The following KIAA1217 variants were observed in gnomAD, a reference collection of about 807,000 sequenced individuals.
KIAA1217 encodes the protein sickle tail protein homolog.
Under a neutral mutation model 163.9 loss-of-function variants are expected in KIAA1217, and 88 were observed. The ratio of observed to expected loss-of-function variants is 0.54; its 90% CI spans 0.45 to 0.64. The LOEUF (loss-of-function observed/expected upper bound fraction) is 0.64. Ranked by LOEUF, KIAA1217 falls within the 30% of genes least tolerant of loss-of-function variation. The pLI is 0.00. For missense variants in KIAA1217, 2,372 were observed against 2,475.0 expected, an observed-to-expected ratio of 0.96 and a Z score of 0.88; for synonymous variants, 903 against 923.1, an observed-to-expected ratio of 0.98 and a Z score of 0.39.
chr10:24,196,491 G>T (rs545020239), intron 2 of KIAA1217, among the ~76,000 whole-genome samples: 1 of 152,288 alleles, frequency 6.6e-6, no homozygotes, highest in Admixed American at 6.5e-5. Flanking sequence ...CCTGATTCTT[G>T]CTGTACCAAG....
At chr10:24,015,526 C>T (rs970783220) in intron 2 of KIAA1217, among the ~76,000 whole-genome samples, 3 of 151,972 alleles carry the variant, frequency 2.0e-5, no homozygotes, top group African/African-American at 7.3e-5. Flanking sequence ...GAGGCCAAGG[C>T]AGGTGGATCA....
Position 24,189,119 on chromosome 10 carries a change from A to G in KIAA1217, c.-170-30507A>G, listed in dbSNP as rs559301271. Among the ~76,000 whole-genome samples the G allele has an allele frequency of 4.9e-3, 685 of 140,386 alleles. 7 individuals carry two copies. The highest frequency in any genetic ancestry group is 8.1e-3 in the Non-Finnish European group (521 of 63,948). The allele number at this position is 140,386 out of a possible 152,430, so 92.1% of individuals were successfully genotyped here. A position where few individuals can be genotyped will look rare whatever the true frequency, so the allele number is the denominator to read the frequency against. Reference sequence around the variant, plus strand: ...AGACTCTGTCTCAAAAAAAAAAAAAAGAAAAGAAAAAGAAAGCTTCATATT... The same window carrying G: ...AGACTCTGTCTCAAAAAAAAAAAAAGGAAAAGAAAAAGAAAGCTTCATATT... On this transcript the variant is annotated intron_variant, in intron 2 of 18. Transcript: ENST00000376462.
intron 1 of KIAA1217, among the ~76,000 whole-genome samples, chr10:23,803,126 A>G (rs1836552485): frequency 6.6e-6 from 1 of 152,198 alleles, no homozygotes; most frequent in South Asian, 2.1e-4. Context: ...GAAAAGCTGG[A>G]CTACAGTTGA....
chr10:23,934,003 G>A (rs983288986), intron 1 of KIAA1217, among the ~76,000 whole-genome samples: 6 of 152,074 alleles, frequency 3.9e-5, no homozygotes, highest in Non-Finnish European at 7.4e-5. Flanking sequence ...ATCTAGAACC[G>A]GAAATACCAT....
intron 1 of KIAA1217, among the ~76,000 whole-genome samples, chr10:23,980,365 G>A (rs141719730): frequency 2.6e-5 from 4 of 152,148 alleles, no homozygotes; most frequent in South Asian, 2.1e-4. Flanking sequence ...TCCTCAGAGC[G>A]AAAGCATCCA....
chr10:23,929,637 G>A (rs905230370), intron 1 of KIAA1217, among the ~76,000 whole-genome samples: 8 of 152,156 alleles, frequency 5.3e-5, no homozygotes, highest in East Asian at 1.9e-4. Flanking sequence ...TGCAAAGGAC[G>A]TGATTTCATT....
At chr10:23,703,992 C>T (rs181528338) in intron 1 of KIAA1217, among the ~76,000 whole-genome samples, 53 of 150,200 alleles carry the variant, frequency 3.5e-4, no homozygotes, top group African/African-American at 1.1e-3. Flanking sequence ...TCTTCATTTG[C>T]TGATCCTTGG....
chr10:24,087,642 G>C (rs554028324), intron 2 of KIAA1217, among the ~76,000 whole-genome samples: 91 of 152,294 alleles, frequency 6.0e-4, no homozygotes, highest in African/African-American at 1.6e-3. Flanking sequence ...TCTATGTGTG[G>C]AGACAGAATC....
intron 2 of KIAA1217, among the ~76,000 whole-genome samples, chr10:24,142,432 G>A (rs531889970): frequency 6.6e-6 from 1 of 151,430 alleles, no homozygotes; most frequent in African/African-American, 2.4e-5. Flanking sequence ...TAGATAAGAT[G>A]GTTTCCTTGT....
chr10:23,879,064 G>C (rs1036287208), intron 1 of KIAA1217, among the ~76,000 whole-genome samples: 2 of 151,882 alleles, frequency 1.3e-5, no homozygotes, highest in Non-Finnish European at 2.9e-5. Context: ...ATGAAAGTCT[G>C]GGCAAGATCT....
intron 1 of KIAA1217, among the ~76,000 whole-genome samples, chr10:23,989,159 T>C (rs934062350): frequency 6.7e-4 from 102 of 152,182 alleles, no homozygotes; most frequent in African/African-American, 2.3e-3. Context: ...CAAAACATAT[T>C]GTACCTCAGC....
In KIAA1217 at chr10:23,834,797, C is replaced by T. The variant is rs1361824176; in HGVS notation, c.-321+139563C>T. ...TAATTGTGTTCTGCAGGATTGGTTG[C>T]CATTTACTAAGATGGTGAGGACTGT... On this transcript the variant is annotated intron_variant, in intron 1 of 18. Transcript: ENST00000376462. Among the ~76,000 whole-genome samples, 3 of 152,102 alleles carry T rather than the reference C, an allele frequency of 2.0e-5. No individual in the cohort carries two copies. The South Asian group carries it at 6.2e-4, about 32-fold the overall frequency.
intron 2 of KIAA1217, among the ~76,000 whole-genome samples, chr10:24,162,514 TGCAAGGAGTGA>T: frequency 6.6e-6 from 1 of 152,332 alleles, no homozygotes; most frequent in South Asian, 2.1e-4. Context: ...CTCTCCTCTG[TGCAAGGAGTGA>T]GAAGGTAGCA....
At chr10:24,125,764 C>T (rs1005036554) in intron 2 of KIAA1217, among the ~76,000 whole-genome samples, 3 of 152,100 alleles carry the variant, frequency 2.0e-5, no homozygotes, top group African/African-American at 7.2e-5. Flanking sequence ...TTTCAGTTTT[C>T]AAGGATATTA....
chr10:24,059,576 T>G (rs1010610854), intron 2 of KIAA1217, among the ~76,000 whole-genome samples: 4 of 152,050 alleles, frequency 2.6e-5, no homozygotes, highest in Non-Finnish European at 5.9e-5. Context: ...CAGTTTTTTG[T>G]TTGTTTGTTT....
intron 1 of KIAA1217, among the ~76,000 whole-genome samples, chr10:23,800,025 A>T (rs1359236836): frequency 6.6e-6 from 1 of 152,092 alleles, no homozygotes; most frequent in Non-Finnish European, 1.5e-5. Context: ...TTGCTTTGAA[A>T]CTGTCACCAC....
intron 3 of KIAA1217, among the ~76,000 whole-genome samples, chr10:24,411,049 C>T (rs533616952): frequency 6.6e-6 from 1 of 152,288 alleles, no homozygotes; most frequent in East Asian, 1.9e-4. Context: ...AAACAATATC[C>T]ACAGACCTGA....
At chr10:23,888,613 A>G (rs933591889) in intron 1 of KIAA1217, among the ~76,000 whole-genome samples, 3 of 151,940 alleles carry the variant, frequency 2.0e-5, no homozygotes, top group Non-Finnish European at 4.4e-5. Flanking sequence ...TTTTTAAAGT[A>G]GAATAAATGG....
At chr10:24,123,521 T>C (rs1345359022) in intron 2 of KIAA1217, among the ~76,000 whole-genome samples, 1 of 152,146 alleles carries the variant, frequency 6.6e-6, no homozygotes, top group Non-Finnish European at 1.5e-5. Context: ...AAGTTGATCA[T>C]GGGGGACACA....
Sources: allele counts gnomAD v4.1 joint callset (sites outside exome capture counted in the v4.1 genomes callset), GRCh38; gene constraint gnomAD v4.1.1; transcripts MANE v1.5; gene names NCBI Gene and HGNC (gene_info 2026-07-23, HGNC 2026-07-21).